The following FER1L6 variants were observed in gnomAD, a reference collection of about 807,000 sequenced individuals.
FER1L6 encodes the protein fer-1-like protein 6.
Under a neutral mutation model 219.2 loss-of-function variants are expected in FER1L6, and 177 were observed. The observed-to-expected ratio is 0.81, with a 90% CI of 0.71 to 0.91. The LOEUF is 0.91. FER1L6 is among the 40% of genes least tolerant of loss of function. The pLI, the probability that FER1L6 is intolerant of heterozygous loss-of-function variation, is 0.00. For synonymous variants in FER1L6, 768 were observed against 824.3 expected, an observed-to-expected ratio of 0.93 and a Z score of 1.17; for missense variants, 2,153 against 2,259.9, an observed-to-expected ratio of 0.95 and a Z score of 0.96.
intron 39 of FER1L6, among the ~76,000 whole-genome samples, chr8:124,103,939 G>T (rs1822654921): frequency 6.6e-6 from 1 of 152,216 alleles, no homozygotes; most frequent in African/African-American, 2.4e-5. Flanking sequence ...AGTGCATTCT[G>T]CCCTCTGCTT....
chr8:123,867,322 A>C (rs1486152423), intron 1 of FER1L6, among the ~76,000 whole-genome samples: 1 of 152,202 alleles, frequency 6.6e-6, no homozygotes, highest in Non-Finnish European at 1.5e-5. Context: ...GTCCCACACA[A>C]AAAATAACTA....
intron 1 of FER1L6, among the ~76,000 whole-genome samples, chr8:123,877,039 T>C (rs151319368): frequency 1.5e-3 from 226 of 152,354 alleles, no homozygotes; most frequent in African/African-American, 5.2e-3. Flanking sequence ...ATTTGCTGTC[T>C]AGCTCCCTCC....
chr8:123,924,879 G>A (rs920497153), intron 1 of FER1L6: 38 of 152,162 alleles, frequency 2.5e-4, no homozygotes, highest in African/African-American at 8.9e-4. Context: ...CATGGTCACT[G>A]TCAAAACCAA....
intron 9 of FER1L6, 120 bp from the exon 10 acceptor site, chr8:123,977,297 G>A: frequency 1.1e-6 from 1 of 943,874 alleles, no homozygotes; most frequent in Non-Finnish European, 1.6e-6. Context: ...GATTTTCGTG[G>A]GTGTCAGAAG....
At chr8:124,052,187 C>T (rs1346200011) in intron 22 of FER1L6, among the ~76,000 whole-genome samples, 1 of 152,150 alleles carries the variant, frequency 6.6e-6, no homozygotes, top group African/African-American at 2.4e-5. Context: ...AAGTGAGAAT[C>T]CTGTTGATTT....
chr8:124,038,125 G>A (rs1316514717), intron 19 of FER1L6, among the ~76,000 whole-genome samples: 1 of 152,148 alleles, frequency 6.6e-6, no homozygotes, highest in Non-Finnish European at 1.5e-5. Context: ...CTAGACTCTA[G>A]ATAAACTGGA....
chr8:123,929,784 A>G (rs1813698984), intron 1 of FER1L6, among the ~76,000 whole-genome samples: 1 of 152,152 alleles, frequency 6.6e-6, no homozygotes, highest in African/African-American at 2.4e-5. Flanking sequence ...GGAGAGAGGA[A>G]GCACATGAAA....
intron 16 of FER1L6, among the ~76,000 whole-genome samples, chr8:124,019,138 CT>C (rs1390187965): frequency 2.6e-5 from 4 of 152,274 alleles, no homozygotes; most frequent in Admixed American, 6.5e-5. Context: ...ATCTAAATCC[CT>C]TTTGCATGAT....
chr8:123,977,731 A>G (rs752937662), intron 10 of FER1L6, 122 bp downstream of exon 10: 20 of 824,074 alleles, frequency 2.4e-5, no homozygotes, highest in Non-Finnish European at 3.8e-5. Context: ...TACCAGTTTT[A>G]TGGAAGACTA....
At chr8:124,068,128 T>A (rs1189710134) in intron 28 of FER1L6, among the ~76,000 whole-genome samples, 1 of 152,186 alleles carries the variant, frequency 6.6e-6, no homozygotes, top group Non-Finnish European at 1.5e-5. Flanking sequence ...ATCAACATGA[T>A]AAACTTTGTT....
At chr8:124,017,415 C>G (rs1818248386) in intron 15 of FER1L6, among the ~76,000 whole-genome samples, 1 of 152,112 alleles carries the variant, frequency 6.6e-6, no homozygotes. Flanking sequence ...ATCTGTTCCC[C>G]AAAACTAATG....
At chr8:123,865,752 G>C (rs1488111005) in intron 1 of FER1L6, among the ~76,000 whole-genome samples, 3 of 151,278 alleles carry the variant, frequency 2.0e-5, no homozygotes, top group African/African-American at 4.9e-5. Context: ...TTCCAGGTGC[G>C]TCCGTCACCC....
chr8:124,090,679 C>T (rs1821992212), intron 33 of FER1L6, among the ~76,000 whole-genome samples: 1 of 152,164 alleles, frequency 6.6e-6, no homozygotes, highest in Non-Finnish European at 1.5e-5. Flanking sequence ...TTATCTTGGT[C>T]CTGGCTTGTA....
At chr8:124,117,357 A>G (rs980906052) in intron 39 of FER1L6, among the ~76,000 whole-genome samples, 8 of 152,184 alleles carry the variant, frequency 5.3e-5, no homozygotes, top group Non-Finnish European at 7.4e-5. Context: ...TATTATTATC[A>G]CTCCACTATT....
chr8:124,003,290 C>T lies in FER1L6; in HGVS notation c.1643C>T (p.Pro548Leu). The change falls in exon 13 of 41, where the codon CCC (proline) becomes CTC (leucine). Residue 548 changes from proline to leucine, a missense_variant. Transcript: ENST00000522917. The part of the protein sequence containing the change: ...EGQGDVAHDV[P>L]IPMASTTHPE... ...CAAGGGGATGTGGCCCATGATGTTCCCATTCCTATGGCCTCCACCACTCAC... is the reference window on the plus strand; with the variant it reads ...CAAGGGGATGTGGCCCATGATGTTCTCATTCCTATGGCCTCCACCACTCAC... 4 of 1,613,916 alleles carry T rather than the reference C, an allele frequency of 2.5e-6. No individual in the cohort carries two copies. Among genetic ancestry groups the T allele is most frequent in the Non-Finnish European group, 3.4e-6 (4 of 1,180,002 alleles).
In FER1L6 at chr8:123,956,658, T is replaced by A. The variant is rs554288518; in HGVS notation, c.76+584T>A. Among the ~76,000 whole-genome samples, 4 of 152,300 alleles carry A rather than the reference T, an allele frequency of 2.6e-5. No homozygotes were observed. In the South Asian group the frequency reaches 8.3e-4, roughly 32 times the overall value. On this transcript the variant is annotated intron_variant, in intron 2 of 40. Transcript: ENST00000522917. ...GAAAAATAAAAATGCACAGCAGTTG[T>A]TAAGTTATTAAAAGTGTCAAGAGGG...
chr8:123,981,753 T>C (rs1465990409), intron 11 of FER1L6, among the ~76,000 whole-genome samples: 3 of 152,118 alleles, frequency 2.0e-5, no homozygotes, highest in African/African-American at 7.2e-5. Flanking sequence ...GTTGTAGTTA[T>C]GGCTCCGATA....
At chr8:124,119,040 T>C (rs1421150973) in intron 40 of FER1L6, 96 bp downstream of exon 40, 3 of 976,294 alleles carry the variant, frequency 3.1e-6, no homozygotes, top group Non-Finnish European at 4.7e-6. Flanking sequence ...AGCAGCCCTG[T>C]GGGAGAACTG....
Position 124,005,505 on chromosome 8 carries a change from A to G in FER1L6, c.1700+2158A>G, listed in dbSNP as rs143814708. Among the ~76,000 whole-genome samples the G allele has an allele frequency of 5.1e-3, 781 of 152,314 alleles. 1 individual carries two copies. Among genetic ancestry groups the G allele is most frequent in the Middle Eastern group, 0.01 (3 of 294 alleles). On this transcript the variant is annotated intron_variant, in intron 13 of 40. Coordinates refer to ENST00000522917, the MANE Select transcript of FER1L6 (RefSeq NM_001039112.2). ...ACTGCTAGGTTCAAGACAAAGCCCA[A>G]TTCCATTCCCTGAATCCCCAGTCTG...
Sources: gnomAD v4.1 joint callset for allele counts (sites outside exome capture counted in the v4.1 genomes callset) on GRCh38, gnomAD v4.1.1 for gene constraint, MANE v1.5 for transcripts, NCBI Gene and HGNC (gene_info 2026-07-23, HGNC 2026-07-21) for gene names.